BBS9: variants seen among roughly 807,000 people sequenced by gnomAD.
BBS9 encodes protein PTHB1.
A neutral mutation model predicts 117.7 loss-of-function variants in BBS9; 89 were observed. That is an observed-to-expected ratio of 0.76 (90% CI 0.64 to 0.90). BBS9 has a LOEUF of 0.90. Among genes scored for constraint, BBS9 ranks in the 40% least tolerant of loss-of-function variants. The probability of loss-of-function intolerance (pLI) is 0.00; values close to 1 mark genes in which losing one functional copy is unlikely to be tolerated. For synonymous variants in BBS9, 379 were observed against 370.9 expected (o/e 1.02, Z -0.25); for missense variants, 982 against 1,042.2 (o/e 0.94, Z 0.80).
chr7:33,317,762 C>G (rs1810837459), intron 9 of BBS9, among the ~76,000 whole-genome samples: 1 of 152,152 alleles, frequency 6.6e-6, no homozygotes, highest in African/African-American at 2.4e-5. Flanking sequence ...ACTTAAAACC[C>G]TTGCATGGGC....
intron 5 of BBS9, among the ~76,000 whole-genome samples, chr7:33,207,302 C>T (rs1392371175): frequency 3.3e-5 from 5 of 152,146 alleles, no homozygotes; most frequent in Non-Finnish European, 7.4e-5. Context: ...TGATGATTTC[C>T]AAATTGGCAC....
chr7:33,596,306 A>ATGTG lies in BBS9; in HGVS notation c.2522-8552_2522-8549dup, dbSNP rs112208989. 2.4e-4 allele frequency among the ~76,000 whole-genome samples: 36 copies of ATGTG among 147,586 alleles called. 1 individual carries two copies. In the South Asian group the frequency reaches 7.3e-3, roughly 30 times the overall value. Reference sequence around the variant, plus strand: ...CACACACACACACACACACTTATATATGTGTGTGTGACTATTGATACATAT... The same window carrying ATGTG: ...CACACACACACACACACACTTATATATGTGTGTGTGTGTGACTATTGATACATAT... On this transcript the variant is annotated intron_variant, in intron 21 of 22. Transcript: ENST00000242067.
chr7:33,577,249 A>C (rs1445530130), intron 21 of BBS9, among the ~76,000 whole-genome samples: 4 of 152,236 alleles, frequency 2.6e-5, no homozygotes, highest in Admixed American at 6.5e-5. Flanking sequence ...AAGGATATGA[A>C]CAGACACTTC....
chr7:33,486,684 T>A (rs1008021375), intron 19 of BBS9, among the ~76,000 whole-genome samples: 4 of 152,208 alleles, frequency 2.6e-5, no homozygotes, highest in East Asian at 1.9e-4. Context: ...GAAGTCAGCT[T>A]CTTCTTCTTG....
intron 19 of BBS9, among the ~76,000 whole-genome samples, chr7:33,497,533 A>G (rs1404028177): frequency 6.6e-6 from 1 of 152,126 alleles, no homozygotes; most frequent in East Asian, 1.9e-4. Flanking sequence ...GAAACATTTT[A>G]TTCAAATCAC....
chr7:33,562,287 A>G (rs951274007), intron 21 of BBS9, among the ~76,000 whole-genome samples: 3 of 152,220 alleles, frequency 2.0e-5, no homozygotes, highest in African/African-American at 7.2e-5. Flanking sequence ...GATAAAAAAC[A>G]TATATGGTAA....
chr7:33,229,402 C>T (rs2128252820), intron 5 of BBS9, among the ~76,000 whole-genome samples: 1 of 152,248 alleles, frequency 6.6e-6, no homozygotes, highest in South Asian at 2.1e-4. Context: ...CCATCTGCCC[C>T]TGGAAACCAC....
chr7:33,576,851 A>G (rs1353373093), intron 21 of BBS9, among the ~76,000 whole-genome samples: 1 of 152,218 alleles, frequency 6.6e-6, no homozygotes, highest in South Asian at 2.1e-4. Context: ...GGCTAGCCAT[A>G]TGTAGAAAGC....
chr7:33,610,724 A>G (rs771347192), downstream of BBS9, among the ~76,000 whole-genome samples: 214 of 152,224 alleles, frequency 1.4e-3, 1 homozygote, highest in Non-Finnish European at 2.0e-3. Context: ...TCCCTTAAAT[A>G]TACTATAGGT....
intron 21 of BBS9, among the ~76,000 whole-genome samples, chr7:33,558,384 C>T (rs765103178): frequency 1.3e-5 from 2 of 152,012 alleles, no homozygotes; most frequent in African/African-American, 4.8e-5. Context: ...GGGAAGGAGC[C>T]AGCAGTGTGA....
intron 7 of BBS9, among the ~76,000 whole-genome samples, chr7:33,269,582 C>G (rs1799409833): frequency 6.6e-6 from 1 of 152,092 alleles, no homozygotes. Flanking sequence ...CTGGGAGTGC[C>G]AAGCTGTGAT....
chr7:33,618,714 A>G lies in BBS9; in HGVS notation c.2522-16463A>G, dbSNP rs1165965787. Among the ~76,000 whole-genome samples the G allele has an allele frequency of 2.0e-5, 3 of 152,108 alleles. No individual in the cohort carries two copies. The East Asian group carries it at 5.8e-4, about 29-fold the overall frequency. ...ATTTTTTTAAAATGTAAATTATGAC[A>G]TTAATAACATAATGTGAGTGAGAAG... On this transcript the variant is annotated intron_variant, in intron 21 of 21. Transcript: ENST00000671952.
rs969078230 is a variant in BBS9, at chr7:33,450,988, A to T, written c.2116-54475A>T. ...ACTGCAAGCTCCGCCTCCTGGGTTCATGCCATTCTCCTGCCTCAGCCTCCC... is the reference window on the plus strand; with the variant it reads ...ACTGCAAGCTCCGCCTCCTGGGTTCTTGCCATTCTCCTGCCTCAGCCTCCC... On this transcript the variant is annotated intron_variant, in intron 19 of 22. Transcript: ENST00000242067. Among the ~76,000 whole-genome samples, 2 of 151,800 alleles carry T rather than the reference A, an allele frequency of 1.3e-5. 1 individual carries two copies. The highest frequency in any genetic ancestry group is 4.2e-4 in the South Asian group (2 of 4,800).
chr7:33,418,501 T>C (rs1584753959), intron 19 of BBS9, among the ~76,000 whole-genome samples: 1 of 152,168 alleles, frequency 6.6e-6, no homozygotes, highest in Non-Finnish European at 1.5e-5. Context: ...TGAAGGGTCT[T>C]TTCACAGTGG....
At chr7:33,570,393 A>G (rs978407639) in intron 21 of BBS9, among the ~76,000 whole-genome samples, 4 of 152,234 alleles carry the variant, frequency 2.6e-5, no homozygotes, top group Admixed American at 1.3e-4. Context: ...TGTAGAATAA[A>G]AGAAATATGA....
At chr7:33,421,398 A>C (rs534601065) in intron 19 of BBS9, among the ~76,000 whole-genome samples, 6 of 152,318 alleles carry the variant, frequency 3.9e-5, no homozygotes, top group Admixed American at 1.3e-4. Context: ...GCCATTTATT[A>C]ATATGTGAGC....
intron 19 of BBS9, among the ~76,000 whole-genome samples, chr7:33,407,120 G>A (rs1409645240): frequency 6.6e-6 from 1 of 152,086 alleles, no homozygotes; most frequent in African/African-American, 2.4e-5. Flanking sequence ...TTTCTTGGAG[G>A]CTTTGCTCAT....
intron 19 of BBS9, among the ~76,000 whole-genome samples, chr7:33,498,224 A>G (rs1844996495): frequency 6.6e-6 from 1 of 152,112 alleles, no homozygotes; most frequent in Non-Finnish European, 1.5e-5. Flanking sequence ...TCAATATGAT[A>G]TGGCCATTAA....
chr7:33,484,189 A>G (rs1842817287), intron 19 of BBS9, among the ~76,000 whole-genome samples: 1 of 152,246 alleles, frequency 6.6e-6, no homozygotes, highest in Admixed American at 6.5e-5. Flanking sequence ...AGCAGAAGTT[A>G]TACATGTTAA....
Sources: allele counts gnomAD v4.1 joint callset (sites outside exome capture counted in the v4.1 genomes callset), GRCh38; gene constraint gnomAD v4.1.1; transcripts MANE v1.5; gene names NCBI Gene and HGNC (gene_info 2026-07-23, HGNC 2026-07-21).